Variants in PPP2R2B observed in about 807,000 individuals in gnomAD.
PPP2R2B encodes serine/threonine-protein phosphatase 2A 55 kDa regulatory subunit B beta isoform.
In PPP2R2B, 5 loss-of-function variants were observed where a neutral mutation model predicts 46.0. That is an observed-to-expected ratio of 0.11 (90% CI 0.06 to 0.23). The LOEUF (loss-of-function observed/expected upper bound fraction) is 0.23, where lower values mean the gene tolerates loss of function less well. PPP2R2B is among the 10% of genes least tolerant of loss of function. PPP2R2B has a pLI of 1.00. For synonymous variants in PPP2R2B, 215 were observed against 206.7 expected (o/e 1.04, Z -0.34); for missense variants, 367 against 575.0 (o/e 0.64, Z 3.70).
intron 1 of PPP2R2B, among the ~76,000 whole-genome samples, chr5:146,913,166 G>C (rs975510049): frequency 6.6e-6 from 1 of 152,210 alleles, no homozygotes; most frequent in South Asian, 2.1e-4. Context: ...TATTTCCTGT[G>C]ATTTTAGAAG....
intron 2 of PPP2R2B, among the ~76,000 whole-genome samples, chr5:146,755,719 A>G (rs1197609534): frequency 1.3e-5 from 2 of 152,222 alleles, no homozygotes; most frequent in Non-Finnish European, 2.9e-5. Flanking sequence ...GGTTATGGAA[A>G]AGGTATTTTA....
chr5:146,811,750 G>C (rs992382230), intron 2 of PPP2R2B, among the ~76,000 whole-genome samples: 2 of 136,268 alleles, frequency 1.5e-5, no homozygotes, highest in African/African-American at 5.6e-5. Flanking sequence ...TTTTTTTTCA[G>C]TAGAGACGGG....
At chr5:146,821,943 A>T (rs147148447) in intron 2 of PPP2R2B, among the ~76,000 whole-genome samples, 2 of 152,310 alleles carry the variant, frequency 1.3e-5, no homozygotes, top group East Asian at 3.9e-4. Context: ...CAAAATACAC[A>T]CTGACAACGT....
chr5:147,064,756 C>T (rs748230689), intron 2 of PPP2R2B, among the ~76,000 whole-genome samples: 5 of 152,174 alleles, frequency 3.3e-5, no homozygotes, highest in Non-Finnish European at 7.3e-5. Flanking sequence ...TCTTACCTAG[C>T]TCTTTAGGCA....
intron 7 of PPP2R2B, among the ~76,000 whole-genome samples, chr5:146,618,807 C>A (rs1020548977): frequency 6.6e-6 from 1 of 152,212 alleles, no homozygotes. Flanking sequence ...TTCAGAGAAA[C>A]CAGAACCCAG....
intron 1 of PPP2R2B, among the ~76,000 whole-genome samples, chr5:146,891,070 G>T (rs1355242224): frequency 6.6e-6 from 1 of 152,180 alleles, no homozygotes; most frequent in African/African-American, 2.4e-5. Flanking sequence ...TTTTCGTAGA[G>T]AATAAAAGTG....
intron 1 of PPP2R2B, among the ~76,000 whole-genome samples, chr5:146,998,627 C>T: frequency 6.6e-6 from 1 of 152,186 alleles, no homozygotes; most frequent in East Asian, 1.9e-4. Flanking sequence ...CTTTGGAAAA[C>T]ATCCAGTTTT....
At chr5:146,607,498 C>A (rs1772402917) in intron 7 of PPP2R2B, among the ~76,000 whole-genome samples, 1 of 152,194 alleles carries the variant, frequency 6.6e-6, no homozygotes, top group Admixed American at 6.5e-5. Context: ...GACACTTTAA[C>A]AAGACAAGGC....
Position 146,726,595 on chromosome 5 carries a change from G to C in PPP2R2B, c.71-25453C>G, listed in dbSNP as rs567750284. 1.2e-3 allele frequency among the ~76,000 whole-genome samples: 184 copies of C among 152,252 alleles called. 1 individual carries two copies. The highest frequency in any genetic ancestry group is 4.2e-3 in the African/African-American group (174 of 41,552). The stretch of plus-strand genomic sequence containing the variant: ...TTCATTTGACATATAAAGAAATTGA[G>C]ACTTTGAAAGGCTAGGTAACTTGCC... On this transcript the variant is annotated intron_variant, in intron 2 of 9. Transcript: ENST00000394411.
chr5:147,067,265 C>T (rs1042758166), intron 2 of PPP2R2B, among the ~76,000 whole-genome samples: 1 of 152,148 alleles, frequency 6.6e-6, no homozygotes, highest in African/African-American at 2.4e-5. Context: ...CAGTACATCT[C>T]TTGAATTTAT....
intron 5 of PPP2R2B, chr5:146,656,833 G>T (rs1370616700): frequency 6.6e-6 from 1 of 152,178 alleles, no homozygotes; most frequent in African/African-American, 2.4e-5. Context: ...GGCTACCTGT[G>T]AGTAGCTGCC....
At chr5:146,794,620 G>GAGTA (rs1182374308) in intron 2 of PPP2R2B, among the ~76,000 whole-genome samples, 2 of 152,096 alleles carry the variant, frequency 1.3e-5, no homozygotes, top group African/African-American at 2.4e-5. Flanking sequence ...TTCTACAGTT[G>GAGTA]AGTAAGCCCA....
exon 1 of PPP2R2B, chr5:147,055,890 C>G: frequency 2.8e-6 from 4 of 1,446,816 alleles, no homozygotes; most frequent in Non-Finnish European, 3.6e-6. Flanking sequence ...CGAGGAATAA[C>G]TGGAGATGGG....
rs1762013385 is a variant in PPP2R2B at position 146,878,193 on chromosome 5, A to G, written c.-122T>C. 6 of 1,584,754 alleles carry G rather than the reference A, an allele frequency of 3.8e-6. No homozygotes were observed. The highest frequency in any genetic ancestry group is 1.7e-4 in the Middle Eastern group (1 of 5,942). ...GCCAGTGGGACTGCACCATGGTCCGAGCCTGAGGAGGAGACGGGGAGGCGG... is the reference window on the plus strand; with the variant it reads ...GCCAGTGGGACTGCACCATGGTCCGGGCCTGAGGAGGAGACGGGGAGGCGG... On this transcript the variant is annotated splice_region_variant and 5_prime_UTR_variant, in exon 2 of 10. Coordinates refer to ENST00000394411, the MANE Select transcript of PPP2R2B (RefSeq NM_181675.4). This position sits in a 1 kb window ranked among gnomAD's most constrained non-coding sequence, Gnocchi z 4.5.
intron 1 of PPP2R2B, among the ~76,000 whole-genome samples, chr5:146,951,968 T>G (rs1751633079): frequency 6.7e-6 from 1 of 150,240 alleles, no homozygotes; most frequent in African/African-American, 2.5e-5. Context: ...CTAATTTACA[T>G]AGAATCTTTT....
Position 146,830,777 on chromosome 5 carries a change from A to G in PPP2R2B, c.70+47225T>C, listed in dbSNP as rs938651189. Among the ~76,000 whole-genome samples, 32 of 152,142 alleles carry G rather than the reference A, an allele frequency of 2.1e-4. 1 individual carries two copies. Among genetic ancestry groups the G allele is most frequent in the Admixed American group, 1.7e-3 (26 of 15,278 alleles). On this transcript the variant is annotated intron_variant, in intron 2 of 9. Coordinates refer to ENST00000394411, the MANE Select transcript of PPP2R2B (RefSeq NM_181675.4). ...GTGAGCCATTGCATCCAACCTCTAT[A>G]TCAGCTTTAATATTTACCAGTCTCC...
upstream of PPP2R2B, chr5:147,081,489 A>G (rs1336047532): frequency 6.7e-6 from 4 of 595,498 alleles, no homozygotes; most frequent in Non-Finnish European, 1.2e-5. Context: ...TCACGGGAAT[A>G]CTAATGCTTT....
intron 6 of PPP2R2B, among the ~76,000 whole-genome samples, chr5:146,648,207 C>T (rs1051072582): frequency 6.6e-6 from 1 of 152,176 alleles, no homozygotes; most frequent in Non-Finnish European, 1.5e-5. Context: ...CACTTGTGAT[C>T]TTCCATGACC....
At chr5:147,038,178 C>T (rs972214851) in intron 1 of PPP2R2B, among the ~76,000 whole-genome samples, 3 of 152,142 alleles carry the variant, frequency 2.0e-5, no homozygotes, top group African/African-American at 7.2e-5. Context: ...ATTATTTGAA[C>T]ACTATCAGAG....
Sources: allele counts gnomAD v4.1 joint callset (sites outside exome capture counted in the v4.1 genomes callset), GRCh38; gene constraint gnomAD v4.1.1; non-coding constraint Gnocchi (gnomAD v3.1); transcripts MANE v1.5; gene names NCBI Gene and HGNC (gene_info 2026-07-23, HGNC 2026-07-21).